The following PHF2 variants were observed in gnomAD, a reference collection of about 807,000 sequenced individuals.
PHF2 encodes the protein PHD finger protein 2.
Under a neutral mutation model 120.5 loss-of-function variants are expected in PHF2, and 27 were observed. That is an observed-to-expected ratio of 0.22 (90% CI 0.17 to 0.31). The LOEUF (loss-of-function observed/expected upper bound fraction) is 0.31, where lower values mean the gene tolerates loss of function less well. Among genes scored for constraint, PHF2 ranks in the 10% least tolerant of loss-of-function variants. The pLI is 1.00. For missense variants in PHF2, 1,024 were observed against 1,434.8 expected (o/e 0.71, Z 4.63); for synonymous variants, 568 against 592.5 (o/e 0.96, Z 0.60).
Position 93,677,289 on chromosome 9 carries a change from T to C in PHF2, c.3203-299T>C, listed in dbSNP as rs906824044. Among the ~76,000 whole-genome samples, 6 of 151,606 alleles carry C rather than the reference T, an allele frequency of 4.0e-5. No homozygotes were observed. The highest frequency in any genetic ancestry group is 1.5e-4 in the African/African-American group (6 of 41,282). On this transcript the variant is annotated intron_variant, in intron 21 of 21. Transcript: ENST00000359246. This position sits in a 1 kb window ranked among gnomAD's most constrained non-coding sequence, Gnocchi z 4.4. ...TGCTGGCAGTGGCTCCTGGCCTTGT[T>C]ACTGGGGGTGGTGCCCAGGCATCCT... is the stretch of plus-strand genomic sequence containing the variant.
chr9:93,645,564 C>G, intron 3 of PHF2, 65 bp from the exon 4 acceptor site: 9 of 1,476,140 alleles, frequency 6.1e-6, no homozygotes, highest in Non-Finnish European at 8.1e-6. Flanking sequence ...GAGGCCCTGT[C>G]CACACCTGTC....
rs147008033 is a variant in PHF2 at position 93,596,358 on chromosome 9, G to A, written c.98+19487G>A. Among the ~76,000 whole-genome samples, 1,292 of 152,214 alleles carry A rather than the reference G, an allele frequency of 8.5e-3. 42 individuals carry two copies. The highest frequency in any genetic ancestry group is 0.067 in the Admixed American group (1,020 of 15,276). On this transcript the variant is annotated intron_variant, in intron 1 of 21. Coordinates refer to ENST00000359246, the MANE Select transcript of PHF2 (RefSeq NM_005392.4). ...CCCAAATTCAGCACCAGGGATCAAGGCTCCATGGATGCTTGAAGGAATGAA... is the reference window on the plus strand; with the variant it reads ...CCCAAATTCAGCACCAGGGATCAAGACTCCATGGATGCTTGAAGGAATGAA...
At position 93,667,845 on chromosome 9, in the gene PHF2, G is replaced by A. The variant is rs142921999; in HGVS notation, c.2348+605G>A. The stretch of plus-strand genomic sequence containing the variant: ...GGGCAGTGATATCCGGGTGTTTGCG[G>A]CTGGTCCCTTGTCCAGCAGTGACTT... On this transcript the variant is annotated intron_variant, in intron 17 of 21. Coordinates refer to ENST00000359246, the MANE Select transcript of PHF2 (RefSeq NM_005392.4). Among the ~76,000 whole-genome samples the A allele has an allele frequency of 2.3e-3, 357 of 152,320 alleles. 2 individuals are homozygous for A. The highest frequency in any genetic ancestry group is 8.3e-3 in the African/African-American group (346 of 41,564).
chr9:93,619,204 C>T (rs1456276757), intron 1 of PHF2, among the ~76,000 whole-genome samples: 4 of 152,084 alleles, frequency 2.6e-5, no homozygotes, highest in Non-Finnish European at 5.9e-5. Flanking sequence ...TGTGCCTTTA[C>T]GAGACCCCTG....
chr9:93,671,524 A>G (rs571557043), intron 17 of PHF2, among the ~76,000 whole-genome samples: 27 of 123,576 alleles, frequency 2.2e-4, no homozygotes, highest in Non-Finnish European at 3.8e-4. Flanking sequence ...GTGTGGATGT[A>G]GGTACAGGTG....
rs1484451728 is a variant in PHF2 at position 93,677,019 on chromosome 9, G to A, written c.3202+56G>A. On this transcript the variant is annotated intron_variant, in intron 21 of 21. Transcript: ENST00000359246. The surrounding 1 kb of genome is among the most constrained non-coding windows in gnomAD (Gnocchi z 4.4). ...CCCCCTGCCCTGCCTGCCCCCATGGGCAGCCCCAGACATGCAGACTCGGCC... is the reference window on the plus strand; with the variant it reads ...CCCCCTGCCCTGCCTGCCCCCATGGACAGCCCCAGACATGCAGACTCGGCC... 3 of 1,459,944 alleles carry A rather than the reference G, an allele frequency of 2.1e-6. No homozygotes were observed. Among genetic ancestry groups the A allele is most frequent in the South Asian group, 1.4e-5 (1 of 70,318 alleles). 90.4% of individuals were successfully genotyped at this position (1,459,944 alleles called of 1,614,324 possible). A position where few individuals can be genotyped will look rare whatever the true frequency, so the allele number is the denominator to read the frequency against.
At chr9:93,623,118 G>A (rs1825851839) in intron 1 of PHF2, among the ~76,000 whole-genome samples, 1 of 152,156 alleles carries the variant, frequency 6.6e-6, no homozygotes, top group Admixed American at 6.5e-5. Context: ...CTGTGTATGT[G>A]GGCATGGACA....
intron 1 of PHF2, among the ~76,000 whole-genome samples, chr9:93,613,668 ACT>A (rs948364512): frequency 7.3e-5 from 11 of 150,324 alleles, no homozygotes; most frequent in African/African-American, 2.7e-4. Context: ...CAAGCAAGGA[ACT>A]CCTTGATCCT....
intron 3 of PHF2, among the ~76,000 whole-genome samples, chr9:93,638,457 G>A (rs958674871): frequency 2.0e-5 from 3 of 152,106 alleles, no homozygotes; most frequent in Non-Finnish European, 4.4e-5. Context: ...TTTGTATATG[G>A]TGTGAGGTAA....
intron 1 of PHF2, among the ~76,000 whole-genome samples, chr9:93,615,669 A>T (rs1312497787): frequency 6.6e-6 from 1 of 152,194 alleles, no homozygotes; most frequent in African/African-American, 2.4e-5. Flanking sequence ...GTGATGCCTC[A>T]TGTGCTGTGC....
intron 1 of PHF2, among the ~76,000 whole-genome samples, chr9:93,617,897 C>T (rs1348578593): frequency 6.6e-6 from 1 of 152,146 alleles, no homozygotes; most frequent in African/African-American, 2.4e-5. Context: ...AGATGGTGCC[C>T]ACACAGATTA....
chr9:93,641,644 T>C (rs1338876902), intron 3 of PHF2, among the ~76,000 whole-genome samples: 1 of 152,246 alleles, frequency 6.6e-6, no homozygotes, highest in Non-Finnish European at 1.5e-5. Flanking sequence ...TTCATTGGGT[T>C]ATCTGTTGTT....
chr9:93,629,821 C>G, intron 1 of PHF2, 149 bp from the exon 2 acceptor site: 1 of 734,326 alleles, frequency 1.4e-6, no homozygotes, highest in Non-Finnish European at 2.4e-6. Flanking sequence ...ACCCTGCTTT[C>G]CTAGTAGAAC....
intron 9 of PHF2, among the ~76,000 whole-genome samples, chr9:93,657,869 T>A (rs1587711180): frequency 6.6e-6 from 1 of 151,470 alleles, no homozygotes; most frequent in South Asian, 2.1e-4. Context: ...TTGGGCAGAG[T>A]GAGGAGAGCA....
At chr9:93,671,972 G>T (rs1392371170) in intron 17 of PHF2, among the ~76,000 whole-genome samples, 1 of 136,238 alleles carries the variant, frequency 7.3e-6, no homozygotes, top group Non-Finnish European at 1.6e-5. Context: ...AGGTGTAGAT[G>T]CAGATGTGGG....
chr9:93,602,492 A>G (rs1285246683), intron 1 of PHF2, among the ~76,000 whole-genome samples: 5 of 152,034 alleles, frequency 3.3e-5, no homozygotes, highest in Non-Finnish European at 7.4e-5. Context: ...AGCTCCGGCA[A>G]TCCACCCACC....
chr9:93,658,371 C>T (rs1194349487), intron 10 of PHF2, 135 bp downstream of exon 10: 6 of 732,374 alleles, frequency 8.2e-6, no homozygotes, highest in African/African-American at 3.5e-5. Flanking sequence ...GGTGGTGCTC[C>T]CCTGCCTGGC....
At chr9:93,652,568 G>T (rs1826387281) in intron 5 of PHF2, among the ~76,000 whole-genome samples, 1 of 152,018 alleles carries the variant, frequency 6.6e-6, no homozygotes, top group Admixed American at 6.6e-5. Flanking sequence ...TGAGATTACA[G>T]ATGTGAGCCA....
intron 1 of PHF2, among the ~76,000 whole-genome samples, chr9:93,626,887 G>C (rs528400804): frequency 9.3e-4 from 142 of 152,330 alleles, no homozygotes; most frequent in African/African-American, 3.2e-3. Flanking sequence ...TCAGTTGGCT[G>C]TTGATGTATG....
Sources: allele counts gnomAD v4.1 joint callset (sites outside exome capture counted in the v4.1 genomes callset), GRCh38; gene constraint gnomAD v4.1.1; non-coding constraint Gnocchi (gnomAD v3.1); transcripts MANE v1.5; gene names NCBI Gene and HGNC (gene_info 2026-07-23, HGNC 2026-07-21).